Variants in ENOX1 observed in about 807,000 individuals in gnomAD.
ENOX1 encodes candidate growth-related and time keeping constitutive hydroquinone (NADH) oxidase.
ENOX1 carries 42 observed loss-of-function variants against 82.5 expected under a neutral mutation model. That is an observed-to-expected ratio of 0.51 (90% CI 0.40 to 0.66). The LOEUF is 0.66. ENOX1 is among the 30% of genes least tolerant of loss of function. The pLI, the probability that ENOX1 is intolerant of heterozygous loss-of-function variation, is 0.00. For synonymous variants in ENOX1, 271 were observed against 282.2 expected, an observed-to-expected ratio of 0.96 and a Z score of 0.40; for missense variants, 608 against 811.6, an observed-to-expected ratio of 0.75 and a Z score of 3.05.
intron 1 of ENOX1, among the ~76,000 whole-genome samples, chr13:43,680,775 A>C (rs1238872142): frequency 6.6e-6 from 1 of 152,186 alleles, no homozygotes; most frequent in Non-Finnish European, 1.5e-5. Context: ...CATACAACCC[A>C]TGAACTATTT....
intron 11 of ENOX1, among the ~76,000 whole-genome samples, chr13:43,318,937 C>A (rs1036165039): frequency 1.3e-5 from 2 of 151,960 alleles, no homozygotes; most frequent in Non-Finnish European, 2.9e-5. Flanking sequence ...TTATTTCTTG[C>A]GAACGCTATC....
Position 43,702,953 on chromosome 13 carries a change from C to CAAAAAAAAAAA in ENOX1, c.-284-35420_-284-35410dup, listed in dbSNP as rs60810191. 5.3e-4 allele frequency among the ~76,000 whole-genome samples: 27 copies of CAAAAAAAAAAA among 51,028 alleles called. 6 individuals are homozygous for CAAAAAAAAAAA. The highest frequency in any genetic ancestry group is 7.5e-4 in the Non-Finnish European group (23 of 30,544). 33.5% of individuals were successfully genotyped at this position (51,028 alleles called of 152,430 possible). A position where few individuals can be genotyped will look rare whatever the true frequency, so the allele number is the denominator to read the frequency against. On this transcript the variant is annotated intron_variant, in intron 1 of 16. Transcript: ENST00000690772. The stretch of plus-strand genomic sequence containing the variant: ...GGGCAACAAGAGTGAGACTCTGTCT[C>CAAAAAAAAAAA]AAAAAAAAAAAAAAAAAAAAAAAAA...
At chr13:43,744,429 C>A (rs919005149) in intron 1 of ENOX1, among the ~76,000 whole-genome samples, 4 of 152,094 alleles carry the variant, frequency 2.6e-5, no homozygotes, top group South Asian at 2.1e-4. Context: ...GGCTAGGATA[C>A]CATGCCAAGG....
At chr13:43,613,439 T>C (rs28520517) in intron 2 of ENOX1, among the ~76,000 whole-genome samples, 1 of 152,212 alleles carries the variant, frequency 6.6e-6, no homozygotes, top group African/African-American at 2.4e-5. Flanking sequence ...GTGAATTTTA[T>C]GGTATGTAAA....
At chr13:43,661,383 G>C (rs1255679498) in intron 2 of ENOX1, among the ~76,000 whole-genome samples, 4 of 152,164 alleles carry the variant, frequency 2.6e-5, no homozygotes, top group African/African-American at 9.7e-5. Flanking sequence ...TAGGAGGCCG[G>C]TGGAAGTTAA....
intron 2 of ENOX1, among the ~76,000 whole-genome samples, chr13:43,589,216 G>GAAAAAAAAAAA (rs58912569): frequency 7.5e-5 from 6 of 79,766 alleles, no homozygotes; most frequent in Non-Finnish European, 1.1e-4. Context: ...GACATTAATG[G>GAAAAAAAAAAA]AAAAAAAAAA....
intron 2 of ENOX1, among the ~76,000 whole-genome samples, chr13:43,628,018 TTC>T (rs1196748963): frequency 1.3e-5 from 2 of 152,168 alleles, no homozygotes. Flanking sequence ...TTTTCTCACT[TTC>T]AAGAATTTTT....
At chr13:43,647,200 G>A (rs1462394016) in intron 2 of ENOX1, among the ~76,000 whole-genome samples, 2 of 152,176 alleles carry the variant, frequency 1.3e-5, no homozygotes, top group African/African-American at 4.8e-5. Flanking sequence ...AGTCACTCCT[G>A]GCTCAGTCAC....
chr13:43,598,548 G>C (rs2081566906), intron 2 of ENOX1, among the ~76,000 whole-genome samples: 1 of 152,172 alleles, frequency 6.6e-6, no homozygotes, highest in South Asian at 2.1e-4. Context: ...CCACTTGCAT[G>C]GTCTATGGGC....
rs570211188 is a variant in ENOX1 at position 43,378,765 on chromosome 13, T to A, written c.209-17313A>T. Among the ~76,000 whole-genome samples the A allele has an allele frequency of 2.0e-5, 3 of 152,260 alleles. No individual in the cohort carries two copies. The South Asian group carries it at 6.2e-4, about 32-fold the overall frequency. ...TACCCAGCACCTAGCAAGGTAAAAT[T>A]CACAATGTCTGGTAACCAATTAAAA... On this transcript the variant is annotated intron_variant, in intron 5 of 16. Transcript: ENST00000690772.
chr13:43,665,547 A>C (rs1416414887), intron 2 of ENOX1, among the ~76,000 whole-genome samples: 2 of 152,166 alleles, frequency 1.3e-5, no homozygotes, highest in Non-Finnish European at 2.9e-5. Context: ...GCTGGAAAGA[A>C]AGAATAGCCT....
chr13:43,508,185 T>A (rs1045901344), intron 2 of ENOX1, among the ~76,000 whole-genome samples: 1 of 151,958 alleles, frequency 6.6e-6, no homozygotes, highest in Admixed American at 6.6e-5. Context: ...TCACGAGAGC[T>A]CCATCCTCAT....
chr13:43,415,236 T>TG (rs1006102093), intron 3 of ENOX1, among the ~76,000 whole-genome samples: 3 of 133,812 alleles, frequency 2.2e-5, no homozygotes, highest in African/African-American at 6.4e-5. Context: ...TCCAATGTTT[T>TG]TTTTTTTTTT....
intron 1 of ENOX1, among the ~76,000 whole-genome samples, chr13:43,771,541 CTT>C (rs770802138): frequency 1.3e-5 from 2 of 152,106 alleles, no homozygotes; most frequent in Non-Finnish European, 2.9e-5. Context: ...CTTTGAAAGA[CTT>C]TTGAAAAACA....
At chr13:43,343,201 G>C (rs1194428682) in intron 9 of ENOX1, among the ~76,000 whole-genome samples, 1 of 152,084 alleles carries the variant, frequency 6.6e-6, no homozygotes, top group Non-Finnish European at 1.5e-5. Context: ...TTCTCTACCA[G>C]TTCACTCTTA....
At chr13:43,571,173 G>T (rs572228194) in intron 2 of ENOX1, among the ~76,000 whole-genome samples, 1 of 152,274 alleles carries the variant, frequency 6.6e-6, no homozygotes, top group East Asian at 1.9e-4. Context: ...GATGACGGCT[G>T]TCTACCAATG....
chr13:43,745,578 A>G (rs1949979783), intron 1 of ENOX1, among the ~76,000 whole-genome samples: 2 of 152,322 alleles, frequency 1.3e-5, no homozygotes, highest in African/African-American at 4.8e-5. Context: ...TGATGGTAAA[A>G]GAAATAGAAA....
intron 1 of ENOX1, among the ~76,000 whole-genome samples, chr13:43,698,004 G>T (rs1034689607): frequency 6.6e-6 from 1 of 152,158 alleles, no homozygotes; most frequent in African/African-American, 2.4e-5. Flanking sequence ...ATTTGGCAGG[G>T]CAAAGAAGGA....
At chr13:43,480,087 C>T (rs917795501) in intron 3 of ENOX1, among the ~76,000 whole-genome samples, 8 of 151,974 alleles carry the variant, frequency 5.3e-5, no homozygotes, top group Admixed American at 2.0e-4. Context: ...CAGGCACCCA[C>T]GACCATGCCC....
Sources: gnomAD v4.1 joint callset for allele counts (sites outside exome capture counted in the v4.1 genomes callset) on GRCh38, gnomAD v4.1.1 for gene constraint, MANE v1.5 for transcripts, NCBI Gene and HGNC (gene_info 2026-07-23, HGNC 2026-07-21) for gene names.